Variants in NEBL observed in about 807,000 individuals in gnomAD.
NEBL encodes the protein LIM and SH3 protein 2.
NEBL carries 122 observed loss-of-function variants against 140.2 expected under a neutral mutation model. The ratio of observed to expected loss-of-function variants is 0.87; its 90% CI spans 0.75 to 1.01. The LOEUF is 1.01. Among genes scored for constraint, NEBL ranks in the 50% least tolerant of loss-of-function variants. The pLI is 0.00. For synonymous variants in NEBL, 436 were observed against 398.9 expected (o/e 1.09, Z -1.11); for missense variants, 1,365 against 1,231.3 (o/e 1.11, Z -1.62).
rs989981436 is a variant in NEBL, at chr10:21,112,460, G to C, written c.164+59923C>G. ...TGCAGGGACATGGATGAAGCTGGAA[G>C]TGATCATTCTAAGCAAACTATCACA... On this transcript the variant is annotated intron_variant, in intron 2 of 6. Transcript: ENST00000417816. Among the ~76,000 whole-genome samples, 6 of 151,968 alleles carry C rather than the reference G, an allele frequency of 3.9e-5. No homozygotes were observed. The South Asian group carries it at 1.2e-3, about 32-fold the overall frequency.
intron 5 of NEBL, among the ~76,000 whole-genome samples, chr10:20,875,248 A>G (rs934113428): frequency 3.3e-4 from 50 of 152,184 alleles, no homozygotes; most frequent in African/African-American, 9.9e-4. Flanking sequence ...TGTCTTTTGC[A>G]TGTTCCCTAT....
intron 9 of NEBL, among the ~76,000 whole-genome samples, chr10:20,855,389 C>T (rs1461106623): frequency 1.3e-5 from 2 of 151,272 alleles, no homozygotes; most frequent in Non-Finnish European, 2.9e-5. Context: ...GAGTTAAAAT[C>T]CACAACAAAT....
intron 2 of NEBL, among the ~76,000 whole-genome samples, chr10:21,171,386 A>C (rs947898529): frequency 2.0e-5 from 3 of 151,816 alleles, no homozygotes; most frequent in Admixed American, 2.0e-4. Flanking sequence ...AGAAAGAGAA[A>C]ACTTAACCAT....
chr10:20,939,714 G>C (rs1033291423), intron 4 of NEBL, among the ~76,000 whole-genome samples: 201 of 152,124 alleles, frequency 1.3e-3, no homozygotes, highest in Non-Finnish European at 2.1e-3. Flanking sequence ...GACACACATA[G>C]GCTCAAAATA....
chr10:21,170,636 C>T (rs1011924266), intron 2 of NEBL: 1 of 152,620 alleles, frequency 6.6e-6, no homozygotes, highest in Non-Finnish European at 1.5e-5. Flanking sequence ...TGGGGAATAT[C>T]TGTGGACTTC....
At chr10:20,832,963 A>G (rs1358999891) in intron 14 of NEBL, among the ~76,000 whole-genome samples, 1 of 152,242 alleles carries the variant, frequency 6.6e-6, no homozygotes, top group Admixed American at 6.5e-5. Context: ...CCCCAAAATG[A>G]AATGTTTCAT....
intron 3 of NEBL, among the ~76,000 whole-genome samples, chr10:21,227,175 A>G (rs1842163064): frequency 6.6e-6 from 1 of 151,714 alleles, no homozygotes; most frequent in Admixed American, 6.6e-5. Context: ...TTAAAAACCC[A>G]CTTATGGGAC....
intron 4 of NEBL, among the ~76,000 whole-genome samples, chr10:20,930,051 G>A (rs1564448089): frequency 6.6e-6 from 1 of 152,208 alleles, no homozygotes; most frequent in East Asian, 1.9e-4. Flanking sequence ...AGGTGCTGAC[G>A]ACTCTCACAT....
chr10:21,256,350 G>A (rs1842660162), intron 1 of NEBL, among the ~76,000 whole-genome samples: 2 of 152,100 alleles, frequency 1.3e-5, no homozygotes, highest in Non-Finnish European at 2.9e-5. Context: ...TTACAGGCGT[G>A]AGCCATCACA....
In NEBL at chr10:20,852,664, G is replaced by T; in HGVS notation, c.904-15C>A. On this transcript the variant is annotated splice_polypyrimidine_tract_variant and intron_variant, in intron 9 of 27. Coordinates refer to ENST00000377122, the MANE Select transcript of NEBL (RefSeq NM_006393.3). Reference sequence around the variant, plus strand: ...TTATATTCTCGCTAAAATACAGAATGGGGAAATCAACTTAGAATCAAAGAG... The same window carrying T: ...TTATATTCTCGCTAAAATACAGAATTGGGAAATCAACTTAGAATCAAAGAG... 1 of 1,564,666 alleles carries T rather than the reference G, an allele frequency of 6.4e-7. No homozygotes were observed. Among genetic ancestry groups the T allele is most frequent in the South Asian group, 1.1e-5 (1 of 89,886 alleles).
chr10:20,915,601 C>G (rs1848519149), intron 4 of NEBL, among the ~76,000 whole-genome samples: 1 of 151,628 alleles, frequency 6.6e-6, no homozygotes, highest in Admixed American at 6.6e-5. Context: ...TTTTTTATGG[C>G]TGCATAGTAT....
At chr10:20,839,556 T>C (rs952101327) in intron 13 of NEBL, among the ~76,000 whole-genome samples, 1 of 152,178 alleles carries the variant, frequency 6.6e-6, no homozygotes, top group African/African-American at 2.4e-5. Context: ...TATTTTTAAT[T>C]CTACTAAAGT....
At chr10:20,993,948 C>T (rs553655007) in intron 3 of NEBL, among the ~76,000 whole-genome samples, 28 of 152,248 alleles carry the variant, frequency 1.8e-4, no homozygotes, top group African/African-American at 6.3e-4. Flanking sequence ...CCAAGGGCAC[C>T]GCACATTACT....
intron 3 of NEBL, among the ~76,000 whole-genome samples, chr10:21,005,751 T>A (rs1007870631): frequency 6.6e-6 from 1 of 151,330 alleles, no homozygotes; most frequent in African/African-American, 2.4e-5. Context: ...AATAATAAAT[T>A]AAATAAAATC....
intron 4 of NEBL, among the ~76,000 whole-genome samples, chr10:20,954,943 AAGCC>A (rs1258186184): frequency 6.6e-6 from 1 of 152,222 alleles, no homozygotes; most frequent in African/African-American, 2.4e-5. Flanking sequence ...AGCTAGCACT[AAGCC>A]AGGGACAGCC....
intron 9 of NEBL, among the ~76,000 whole-genome samples, chr10:20,853,100 A>G (rs1337821627): frequency 6.6e-6 from 1 of 152,230 alleles, no homozygotes; most frequent in Non-Finnish European, 1.5e-5. Flanking sequence ...CAAGGAATAA[A>G]AAAGTCCTAT....
intron 4 of NEBL, among the ~76,000 whole-genome samples, chr10:20,938,006 T>G (rs1245084317): frequency 6.6e-6 from 1 of 152,084 alleles, no homozygotes; most frequent in East Asian, 1.9e-4. Context: ...AGACTCCACC[T>G]CTCGGGGCAG....
chr10:21,001,054 G>A (rs151187008), intron 3 of NEBL, among the ~76,000 whole-genome samples: 1 of 152,060 alleles, frequency 6.6e-6, no homozygotes, highest in Non-Finnish European at 1.5e-5. Flanking sequence ...ACCAATGCAG[G>A]TCCCCATGAG....
At chr10:21,104,082 G>T (rs1209018400) in intron 2 of NEBL, among the ~76,000 whole-genome samples, 1 of 152,162 alleles carries the variant, frequency 6.6e-6, no homozygotes, top group Non-Finnish European at 1.5e-5. Context: ...TTAACTTGGT[G>T]TCTTTGTGGA....
Sources: gnomAD v4.1 joint callset for allele counts (sites outside exome capture counted in the v4.1 genomes callset) on GRCh38, gnomAD v4.1.1 for gene constraint, MANE v1.5 for transcripts, NCBI Gene and HGNC (gene_info 2026-07-23, HGNC 2026-07-21) for gene names.